ABI1: variants seen among roughly 807,000 people sequenced by gnomAD.
ABI1 encodes the protein abl interactor 1.
ABI1 carries 14 observed loss-of-function variants against 54.6 expected under a neutral mutation model. The observed-to-expected ratio is 0.26, with a 90% CI of 0.17 to 0.40. The LOEUF (loss-of-function observed/expected upper bound fraction) is 0.40. ABI1 is among the 10% of genes least tolerant of loss of function. The pLI is 1.00. For missense variants in ABI1, 443 were observed against 598.3 expected, an observed-to-expected ratio of 0.74 and a Z score of 2.71; for synonymous variants, 194 against 209.3, an observed-to-expected ratio of 0.93 and a Z score of 0.63.
intron 1 of ABI1, among the ~76,000 whole-genome samples, chr10:26,858,836 C>T (rs55806416): frequency 0.086 from 13,126 of 152,102 alleles, 1,282 homozygotes; most frequent in African/African-American, 0.22. Context: ...CACATAGTTA[C>T]CACACTATAT....
At chr10:26,836,467 C>A (rs540215115) in intron 1 of ABI1, among the ~76,000 whole-genome samples, 2 of 152,246 alleles carry the variant, frequency 1.3e-5, no homozygotes, top group East Asian at 3.8e-4. Context: ...AACAGTGTGA[C>A]CTAATTTTGT....
intron 2 of ABI1, among the ~76,000 whole-genome samples, chr10:26,780,934 C>G (rs1296145081): frequency 6.6e-6 from 1 of 152,192 alleles, no homozygotes; most frequent in Non-Finnish European, 1.5e-5. Flanking sequence ...CTGTTTGTAG[C>G]TTCCACTTCT....
rs374527980 is a variant in ABI1 at position 26,836,164 on chromosome 10, G to A, written c.118-12859C>T. Among the ~76,000 whole-genome samples the A allele has an allele frequency of 1.4e-4, 21 of 152,186 alleles. No homozygotes were observed. In the East Asian group the frequency reaches 3.7e-3, roughly 27 times the overall value. On this transcript the variant is annotated intron_variant, in intron 1 of 10. Coordinates refer to ENST00000376140, the MANE Select transcript of ABI1 (RefSeq NM_001012750.3). Reference sequence around the variant, plus strand: ...GTCTTGCTCTGTCACCCAGGCTGCAGTGTAGTGGCGCAATCTCAGCTCAAT... The same window carrying A: ...GTCTTGCTCTGTCACCCAGGCTGCAATGTAGTGGCGCAATCTCAGCTCAAT...
intron 2 of ABI1, among the ~76,000 whole-genome samples, chr10:26,784,060 G>T (rs10829064): frequency 0.57 from 86,634 of 151,926 alleles, 26,730 homozygotes; most frequent in African/African-American, 0.82. Context: ...CCTTAGATGC[G>T]GGGAAGTAAG....
chr10:26,818,158 C>CAAAAAAAAAAAAAAAAAAAAAAAAA (rs397696005), intron 2 of ABI1, among the ~76,000 whole-genome samples: 1 of 45,426 alleles, frequency 2.2e-5, no homozygotes, highest in Non-Finnish European at 4.2e-5. Context: ...GACTCCATCT[C>CAAAAAAAAAAAAAAAAAAAAAAAAA]AAAAAAAAAA....
chr10:26,823,791 T>C (rs1220709228), intron 1 of ABI1, among the ~76,000 whole-genome samples: 1 of 152,154 alleles, frequency 6.6e-6, no homozygotes, highest in Non-Finnish European at 1.5e-5. Flanking sequence ...CTGTGAATCT[T>C]ATGTGCTCCA....
chr10:26,858,537 G>GAAAAAAAAA (rs60132421), intron 1 of ABI1, among the ~76,000 whole-genome samples: 2 of 94,242 alleles, frequency 2.1e-5, no homozygotes, highest in African/African-American at 7.4e-5. Flanking sequence ...CACAAAAAAA[G>GAAAAAAAAA]AAAAAAAAAA....
Position 26,777,285 on chromosome 10 carries a change from A to C in ABI1, c.286-44T>G, listed in dbSNP as rs1201390144. On this transcript the variant is annotated intron_variant, in intron 2 of 10. Coordinates refer to ENST00000376140, the MANE Select transcript of ABI1 (RefSeq NM_001012750.3). ...AAAACAAGAAAATATTATTTGACAT[A>C]ATATGTTTGCTATCCATATACACTG... 2.0e-6 allele frequency: 3 copies of C among 1,500,108 alleles called. No individual in the cohort carries two copies. In the African/African-American group the frequency reaches 4.2e-5, roughly 21 times the overall value. 92.9% of individuals were successfully genotyped at this position (1,500,108 alleles called of 1,614,324 possible).
At position 26,761,901 on chromosome 10, in the gene ABI1, G is replaced by C. The variant is rs534357407; in HGVS notation, c.821-2663C>G. Among the ~76,000 whole-genome samples, 59 of 151,732 alleles carry C rather than the reference G, an allele frequency of 3.9e-4. 1 individual carries two copies. The South Asian group carries it at 6.7e-3, about 17-fold the overall frequency. ...CTACTACTATTAGACATTTTGGTTT[G>C]AGATTTGTGCTATCAATACTACTGC... On this transcript the variant is annotated intron_variant, in intron 7 of 10. Coordinates refer to ENST00000376140, the MANE Select transcript of ABI1 (RefSeq NM_001012750.3).
intron 1 of ABI1, among the ~76,000 whole-genome samples, chr10:26,843,466 AAAAAAAAAAAAAAAAAAAAATATATAT>A (rs1215851925): frequency 1.3e-3 from 104 of 81,192 alleles, no homozygotes; most frequent in African/African-American, 4.7e-3. Flanking sequence ...AAAAAAAAAA[AAAAAAAAAAAAAAAAAAAAATATATAT>A]ATATATATAT....
At chr10:26,806,827 G>C (rs2046905530) in intron 2 of ABI1, among the ~76,000 whole-genome samples, 1 of 152,090 alleles carries the variant, frequency 6.6e-6, no homozygotes, top group African/African-American at 2.4e-5. Flanking sequence ...TTAGACCTTA[G>C]ATACATGAGA....
chr10:26,854,850 T>C (rs1243389402), intron 1 of ABI1, among the ~76,000 whole-genome samples: 2 of 152,200 alleles, frequency 1.3e-5, no homozygotes, highest in Admixed American at 6.5e-5. Flanking sequence ...CAAAATTTCT[T>C]AGCACAATTG....
At chr10:26,773,026 C>T (rs982882028) in intron 3 of ABI1, among the ~76,000 whole-genome samples, 1 of 151,944 alleles carries the variant, frequency 6.6e-6, no homozygotes, top group Admixed American at 6.6e-5. Flanking sequence ...TGTGATTGAG[C>T]TATTGCACTT....
At chr10:26,785,269 T>C (rs1370069928) in intron 2 of ABI1, among the ~76,000 whole-genome samples, 1 of 152,252 alleles carries the variant, frequency 6.6e-6, no homozygotes, top group African/African-American at 2.4e-5. Flanking sequence ...GAGTCTTTCA[T>C]GTTTCTGTAC....
chr10:26,762,134 G>A (rs1839314585), intron 7 of ABI1, among the ~76,000 whole-genome samples: 1 of 152,066 alleles, frequency 6.6e-6, no homozygotes, highest in Non-Finnish European at 1.5e-5. Flanking sequence ...AGCCTCCCAA[G>A]TAGCTGGGGC....
chr10:26,756,754 T>TAGTC (rs1295419223), intron 8 of ABI1, among the ~76,000 whole-genome samples: 1 of 152,146 alleles, frequency 6.6e-6, no homozygotes, highest in Admixed American at 6.5e-5. Context: ...AGTCTATCGG[T>TAGTC]AGTCACCAAG....
intron 2 of ABI1, among the ~76,000 whole-genome samples, chr10:26,788,443 T>C (rs558769776): frequency 6.6e-4 from 100 of 152,284 alleles, no homozygotes; most frequent in Non-Finnish European, 1.0e-3. Context: ...AACTACCCAA[T>C]CTACAACTCT....
At chr10:26,823,377 C>G (rs543541270) in intron 1 of ABI1, 72 bp from the exon 2 acceptor site, 517 of 1,159,216 alleles carry the variant, frequency 4.5e-4, no homozygotes, top group Non-Finnish European at 5.5e-4. Flanking sequence ...TATAGAAAGG[C>G]AAAGTTATAT....
intron 2 of ABI1, among the ~76,000 whole-genome samples, chr10:26,812,381 G>A (rs2047297073): frequency 6.6e-6 from 1 of 152,170 alleles, no homozygotes; most frequent in African/African-American, 2.4e-5. Flanking sequence ...TCAAGTGAGT[G>A]CTAATGAATG....
Sources: gnomAD v4.1 joint callset for allele counts (sites outside exome capture counted in the v4.1 genomes callset) on GRCh38, gnomAD v4.1.1 for gene constraint, MANE v1.5 for transcripts, NCBI Gene and HGNC (gene_info 2026-07-23, HGNC 2026-07-21) for gene names.